The following INPP4B variants were observed in gnomAD, a reference collection of about 807,000 sequenced individuals.
INPP4B encodes the protein inositol polyphosphate 4-phosphatase type II.
INPP4B carries 55 observed loss-of-function variants against 122.5 expected under a neutral mutation model. The observed-to-expected ratio is 0.45, with a 90% CI of 0.36 to 0.56. The LOEUF is 0.56. Among genes scored for constraint, INPP4B ranks in the 20% least tolerant of loss-of-function variants. The probability of loss-of-function intolerance (pLI) is 0.00; values close to 1 mark genes in which losing one functional copy is unlikely to be tolerated. For missense variants in INPP4B, 1,000 were observed against 1,097.7 expected (o/e 0.91, Z 1.26); for synonymous variants, 403 against 388.7 (o/e 1.04, Z -0.43).
chr4:142,309,489 A>G (rs111952316), intron 8 of INPP4B, among the ~76,000 whole-genome samples: 1,742 of 152,044 alleles, frequency 0.011, 38 homozygotes, highest in African/African-American at 0.04. Flanking sequence ...AACCTTAAGG[A>G]TTAAGGCCCT....
chr4:142,050,476 G>T (rs879427608), intron 25 of INPP4B, among the ~76,000 whole-genome samples: 4 of 151,848 alleles, frequency 2.6e-5, no homozygotes, highest in Non-Finnish European at 5.9e-5. Flanking sequence ...TAAATATCAG[G>T]TTTTTAGAAA....
intron 2 of INPP4B, among the ~76,000 whole-genome samples, chr4:142,594,487 C>CAGACA (rs1738231577): frequency 6.6e-6 from 1 of 152,034 alleles, no homozygotes; most frequent in African/African-American, 2.4e-5. Flanking sequence ...GATGAGAAAA[C>CAGACA]AGACACAGAG....
At position 142,744,651 on chromosome 4, in the gene INPP4B, T is replaced by C. The variant is rs1477804172; in HGVS notation, c.-253-18750A>G. On this transcript the variant is annotated intron_variant, in intron 1 of 25. Transcript: ENST00000262992. The stretch of plus-strand genomic sequence containing the variant: ...ATCTTTAACATGCTGAAAAAATTTA[T>C]TTGAGAATTTTATATCTAATAAAAA... 2.6e-5 allele frequency among the ~76,000 whole-genome samples: 4 copies of C among 151,770 alleles called. No individual in the cohort carries two copies. The East Asian group carries it at 7.7e-4, about 29-fold the overall frequency.
chr4:142,584,694 T>C (rs549066321), intron 2 of INPP4B, among the ~76,000 whole-genome samples: 1 of 152,218 alleles, frequency 6.6e-6, no homozygotes, highest in Non-Finnish European at 1.5e-5. Context: ...ATAAGGCACT[T>C]TTTGTCTGGT....
At chr4:142,345,908 T>G (rs887496277) in intron 7 of INPP4B, among the ~76,000 whole-genome samples, 1 of 151,920 alleles carries the variant, frequency 6.6e-6, no homozygotes, top group Non-Finnish European at 1.5e-5. Context: ...TTTGAAAAAA[T>G]GGCTTCTAGA....
intron 25 of INPP4B, among the ~76,000 whole-genome samples, chr4:142,042,117 A>C (rs892111164): frequency 2.0e-5 from 3 of 152,134 alleles, no homozygotes; most frequent in African/African-American, 7.2e-5. Context: ...ATCTACCGTC[A>C]CTTGTTCTCC....
intron 2 of INPP4B, among the ~76,000 whole-genome samples, chr4:142,529,826 G>C (rs1345869593): frequency 4.6e-5 from 7 of 152,042 alleles, no homozygotes; most frequent in Non-Finnish European, 5.9e-5. Flanking sequence ...TAATGGGTGA[G>C]AGAATGTTTG....
At chr4:142,214,705 A>C (rs530375468) in intron 12 of INPP4B, among the ~76,000 whole-genome samples, 1 of 152,198 alleles carries the variant, frequency 6.6e-6, no homozygotes, top group East Asian at 1.9e-4. Flanking sequence ...GGCGCCTGCC[A>C]TCACGCCTGG....
chr4:142,352,947 T>G (rs540421513), intron 7 of INPP4B, among the ~76,000 whole-genome samples: 1 of 151,928 alleles, frequency 6.6e-6, no homozygotes, highest in East Asian at 2.0e-4. Flanking sequence ...AAATATAGGG[T>G]GGTGTTTTTT....
At chr4:142,428,079 T>C (rs572358482) in intron 5 of INPP4B, among the ~76,000 whole-genome samples, 79 of 151,868 alleles carry the variant, frequency 5.2e-4, no homozygotes, top group African/African-American at 1.9e-3. Flanking sequence ...AGCTATATTT[T>C]TTAAAAATAA....
intron 6 of INPP4B, among the ~76,000 whole-genome samples, chr4:142,403,625 A>G (rs1261384898): frequency 6.6e-6 from 1 of 152,196 alleles, no homozygotes; most frequent in Non-Finnish European, 1.5e-5. Flanking sequence ...TTACTAGCTC[A>G]GGATGCAGTG....
chr4:142,384,219 G>GA (rs897395200), intron 7 of INPP4B: 7 of 666,664 alleles, frequency 1.0e-5, no homozygotes, highest in African/African-American at 7.2e-5. Flanking sequence ...AAATACCTTA[G>GA]AAAAAACAGG....
chr4:142,208,552 C>A, intron 13 of INPP4B, 23 bp from the exon 14 acceptor site: 2 of 1,250,068 alleles, frequency 1.6e-6, no homozygotes, highest in Non-Finnish European at 1.1e-6. Context: ...AGAAATTAAA[C>A]ATTATTAGTA....
In INPP4B at chr4:142,751,283, CAAAAAA is replaced by C. The variant is rs70949187; in HGVS notation, c.-253-25388_-253-25383del. Among the ~76,000 whole-genome samples the C allele has an allele frequency of 3.2e-4, 34 of 105,058 alleles. 1 individual carries two copies. The highest frequency in any genetic ancestry group is 8.4e-4 in the Admixed American group (8 of 9,574). The allele number at this position is 105,058 out of a possible 152,430, so 68.9% of individuals were successfully genotyped here. A position where few individuals can be genotyped will look rare whatever the true frequency, so the allele number is the denominator to read the frequency against. ...GCCAAAGTAATGGAGTTAACTGTGT[CAAAAAA>C]AAAAAAAAAAAAAAACAAGCCTGAT... On this transcript the variant is annotated intron_variant, in intron 1 of 25. Coordinates refer to ENST00000262992, the MANE Select transcript of INPP4B (RefSeq NM_001101669.3).
intron 25 of INPP4B, among the ~76,000 whole-genome samples, chr4:142,038,787 G>A (rs745931499): frequency 3.9e-5 from 6 of 152,250 alleles, no homozygotes; most frequent in Non-Finnish European, 5.9e-5. Context: ...GGAAAGGAGC[G>A]CAAGTGTGTG....
intron 23 of INPP4B, among the ~76,000 whole-genome samples, chr4:142,099,985 C>T (rs1007475551): frequency 2.0e-5 from 3 of 152,048 alleles, no homozygotes; most frequent in African/African-American, 7.2e-5. Context: ...GCAGAATCAC[C>T]AGGACGGCTT....
chr4:142,096,088 A>C (rs754057790), intron 23 of INPP4B: 39 of 152,214 alleles, frequency 2.6e-4, no homozygotes, highest in Non-Finnish European at 3.5e-4. Flanking sequence ...GACTCACCTA[A>C]GTGAGCTTTC....
intron 25 of INPP4B, among the ~76,000 whole-genome samples, chr4:142,055,397 T>C (rs1757075450): frequency 1.3e-5 from 2 of 152,082 alleles, no homozygotes; most frequent in Admixed American, 1.3e-4. Context: ...TAAGCTATGG[T>C]AAATATAATC....
chr4:142,660,076 C>A (rs1329356551), intron 2 of INPP4B, among the ~76,000 whole-genome samples: 2 of 152,186 alleles, frequency 1.3e-5, no homozygotes, highest in Non-Finnish European at 2.9e-5. Context: ...ATAAAGACCA[C>A]GTTAATATCC....
Sources: allele counts gnomAD v4.1 joint callset (sites outside exome capture counted in the v4.1 genomes callset), GRCh38; gene constraint gnomAD v4.1.1; transcripts MANE v1.5; gene names NCBI Gene and HGNC (gene_info 2026-07-23, HGNC 2026-07-21).